Variants in MTAP observed in about 807,000 individuals in gnomAD.
MTAP encodes the protein S-methyl-5'-thioadenosine phosphorylase.
MTAP carries 33 observed loss-of-function variants against 33.6 expected under a neutral mutation model. That is an observed-to-expected ratio of 0.98 (90% CI 0.74 to 1.31). The LOEUF is 1.31. Ranked by LOEUF, MTAP falls within the 40% of genes most tolerant of loss-of-function variation. The pLI is 0.00. For synonymous variants in MTAP, 148 were observed against 125.7 expected (o/e 1.18, Z -1.19); for missense variants, 367 against 360.0 (o/e 1.02, Z -0.16).
chr9:21,824,359 G>A (rs529349887), intron 4 of MTAP, among the ~76,000 whole-genome samples: 1 of 152,306 alleles, frequency 6.6e-6, no homozygotes, highest in Admixed American at 6.5e-5. Flanking sequence ...GAGTTTGCTG[G>A]AGGTCCACTC....
chr9:21,829,135 C>G (rs1196459443), intron 4 of MTAP, among the ~76,000 whole-genome samples: 7 of 152,200 alleles, frequency 4.6e-5, no homozygotes, highest in Non-Finnish European at 7.3e-5. Context: ...CTCCTACCTC[C>G]ACTTGCTGAT....
chr9:21,870,442 A>T (rs1402751806), downstream of MTAP, among the ~76,000 whole-genome samples: 2 of 152,174 alleles, frequency 1.3e-5, no homozygotes, highest in African/African-American at 4.8e-5. Context: ...ACTATCTTGA[A>T]TGTACAGCTT....
chr9:21,820,285 T>G (rs974551399), intron 4 of MTAP, among the ~76,000 whole-genome samples: 1 of 152,236 alleles, frequency 6.6e-6, no homozygotes, highest in Non-Finnish European at 1.5e-5. Context: ...GGTCTAACAT[T>G]TAAGTCTTTA....
At chr9:21,825,697 C>T (rs1824777118) in intron 4 of MTAP, among the ~76,000 whole-genome samples, 1 of 152,082 alleles carries the variant, frequency 6.6e-6, no homozygotes, top group African/African-American at 2.4e-5. Flanking sequence ...AAAAATTAGC[C>T]ATGTGTGTTG....
At chr9:21,920,624 A>C (rs941145823) in intron 1 of MTAP, among the ~76,000 whole-genome samples, 9 of 152,172 alleles carry the variant, frequency 5.9e-5, no homozygotes, top group Admixed American at 1.3e-4. Flanking sequence ...TTCTCTATGG[A>C]TATTTTCACC....
chr9:21,911,322 A>G (rs1041795512), intron 1 of MTAP, among the ~76,000 whole-genome samples: 3 of 152,216 alleles, frequency 2.0e-5, no homozygotes, highest in South Asian at 2.1e-4. Flanking sequence ...TCAACAGAAT[A>G]TACATTCTTC....
chr9:21,938,190 C>T (rs1046976641), downstream of MTAP, among the ~76,000 whole-genome samples: 3 of 151,592 alleles, frequency 2.0e-5, no homozygotes, highest in Non-Finnish European at 4.4e-5. Flanking sequence ...AGGAGGATTG[C>T]TTGAATCCGG....
chr9:21,909,774 T>C (rs1818539737), intron 1 of MTAP, among the ~76,000 whole-genome samples: 1 of 152,174 alleles, frequency 6.6e-6, no homozygotes. Flanking sequence ...TAACAGGTGT[T>C]AACTATTTTT....
intron 1 of MTAP, among the ~76,000 whole-genome samples, chr9:21,806,045 C>T (rs547556994): frequency 1.3e-5 from 2 of 152,202 alleles, no homozygotes; most frequent in East Asian, 1.9e-4. Context: ...CCTTGTAGAC[C>T]GCGATCAAGA....
chr9:21,917,149 G>C (rs759983201), intron 1 of MTAP, among the ~76,000 whole-genome samples: 61 of 152,302 alleles, frequency 4.0e-4, no homozygotes, highest in Non-Finnish European at 1.3e-4. Context: ...GCTTTGGGTG[G>C]AGCAGCACTC....
intron 1 of MTAP, among the ~76,000 whole-genome samples, chr9:21,808,105 G>T (rs1288062879): frequency 6.6e-6 from 1 of 152,200 alleles, no homozygotes; most frequent in Non-Finnish European, 1.5e-5. Flanking sequence ...GAAACTCTGG[G>T]GCTGGGGCCC....
intron 6 of MTAP, chr9:21,858,988 AGT>A: frequency 4.7e-6 from 1 of 212,724 alleles, no homozygotes; most frequent in East Asian, 1.2e-4. Context: ...TTTGGTGTCT[AGT>A]GAGAGCCCAC....
chr9:21,921,871 C>G (rs977113232), intron 1 of MTAP, among the ~76,000 whole-genome samples: 1 of 152,102 alleles, frequency 6.6e-6, no homozygotes, highest in Non-Finnish European at 1.5e-5. Flanking sequence ...GTCCCAACTA[C>G]TCAGGAGGCT....
intron 4 of MTAP, among the ~76,000 whole-genome samples, chr9:21,821,780 T>C (rs925626930): frequency 2.4e-4 from 36 of 152,220 alleles, no homozygotes; most frequent in African/African-American, 8.2e-4. Context: ...TGGTAGGCTA[T>C]TAATTATTGC....
intron 6 of MTAP, among the ~76,000 whole-genome samples, chr9:21,857,805 A>AT: frequency 6.6e-6 from 1 of 152,306 alleles, no homozygotes; most frequent in Non-Finnish European, 1.5e-5. Flanking sequence ...TTCTGGTTAA[A>AT]TGCCTTAAAT....
chr9:21,885,780 GT>G (rs1176198526), intron 1 of MTAP, among the ~76,000 whole-genome samples: 1 of 5,588 alleles, frequency 1.8e-4, no homozygotes, highest in African/African-American at 3.5e-3. Context: ...GTATTACATG[GT>G]GTGTGTGTGT....
intron 1 of MTAP, among the ~76,000 whole-genome samples, chr9:21,877,936 C>T (rs1339339818): frequency 6.6e-6 from 1 of 152,104 alleles, no homozygotes; most frequent in Non-Finnish European, 1.5e-5. Context: ...GGACTGGTAC[C>T]AGCTTTTACT....
chr9:21,838,430 T>C (rs1455232913), intron 5 of MTAP, among the ~76,000 whole-genome samples: 1 of 152,338 alleles, frequency 6.6e-6, no homozygotes, highest in East Asian at 1.9e-4. Context: ...AAGATAATTA[T>C]AGCATGTACC....
chr9:21,851,571 G>T (rs1232847017), intron 5 of MTAP, among the ~76,000 whole-genome samples: 1 of 152,168 alleles, frequency 6.6e-6, no homozygotes, highest in Non-Finnish European at 1.5e-5. Flanking sequence ...GTCTTTATTT[G>T]AAGATTATGT....
Sources: allele counts gnomAD v4.1 joint callset (sites outside exome capture counted in the v4.1 genomes callset), GRCh38; gene constraint gnomAD v4.1.1; transcripts MANE v1.5; gene names NCBI Gene and HGNC (gene_info 2026-07-23, HGNC 2026-07-21).